Variants in GLB1L3 observed in about 807,000 individuals in gnomAD.
GLB1L3 encodes galactosidase beta 1 like 3.
In GLB1L3, 89 loss-of-function variants were observed where a neutral mutation model predicts 89.5. That is an observed-to-expected ratio of 0.99 (90% CI 0.84 to 1.19). The LOEUF (loss-of-function observed/expected upper bound fraction) is 1.19. GLB1L3 is among the 50% of genes most tolerant of loss of function. The probability of loss-of-function intolerance (pLI) is 0.00; values close to 1 mark genes in which losing one functional copy is unlikely to be tolerated. For missense variants in GLB1L3, 812 were observed against 813.3 expected (o/e 1.00, Z 0.02); for synonymous variants, 314 against 312.3 (o/e 1.01, Z -0.06).
chr11:134,288,877 C>T lies in GLB1L3; in HGVS notation c.716C>T (p.Pro239Leu), dbSNP rs756178298. The change falls in exon 7 of 20, where the codon CCG (proline) becomes CTG (leucine). Residue 239 changes from proline to leucine, a missense_variant. By Grantham distance (98) the Pro-to-Leu change is moderately conservative. Around this residue, in one of 3 missense-constraint regions of GLB1L3, gnomAD observed 618 missense variants for 604.0 expected, o/e 1.02. Transcript: ENST00000431683. ...TTCAATAAGGATAAAACATACATGC[C>T]GTATCTCCACAAGGTAAGAGGGCCT... ...GSFNKDKTYMPYLHKALLRRG... is the reference protein window; with the variant it reads ...GSFNKDKTYMLYLHKALLRRG... The T allele has an allele frequency of 6.2e-6, 10 of 1,610,970 alleles. No individual in the cohort carries two copies. The highest frequency in any genetic ancestry group is 7.6e-6 in the Non-Finnish European group (9 of 1,178,040).
intron 9 of GLB1L3, among the ~76,000 whole-genome samples, chr11:134,296,836 TATAATA>T (rs371941998): frequency 5.7e-4 from 81 of 142,400 alleles, no homozygotes; most frequent in African/African-American, 1.9e-3. Flanking sequence ...AAACTTAAAG[TATAATA>T]ATAATAATAA....
intron 6 of GLB1L3, among the ~76,000 whole-genome samples, chr11:134,286,900 C>T (rs1051598597): frequency 7.9e-5 from 12 of 151,784 alleles, no homozygotes; most frequent in Admixed American, 2.6e-4. Context: ...GTGGCTCACA[C>T]CTGTAATTCC....
chr11:134,300,461 T>A (rs1941883539), intron 9 of GLB1L3, among the ~76,000 whole-genome samples: 1 of 151,406 alleles, frequency 6.6e-6, no homozygotes, highest in South Asian at 2.1e-4. Flanking sequence ...GCCTCCCGAG[T>A]AGCTGGGACT....
Position 134,288,884 on chromosome 11 carries a change from C to T in GLB1L3, c.723C>T (p.Leu241=), listed in dbSNP as rs1361601945. ...FNKDKTYMPY[L]HKALLRRGIV... The stretch of plus-strand genomic sequence containing the variant: ...AGGATAAAACATACATGCCGTATCT[C>T]CACAAGGTAAGAGGGCCTTGGTTTG... Residue 241 remains leucine, a synonymous_variant, in exon 7 of 20, where the codon CTC becomes CTT. Coordinates refer to ENST00000431683, the MANE Select transcript of GLB1L3 (RefSeq NM_001080407.3). 1 of 1,609,416 alleles carries T rather than the reference C, an allele frequency of 6.2e-7. No homozygotes were observed. The highest frequency in any genetic ancestry group is 1.7e-5 in the Admixed American group (1 of 59,644).
chr11:134,313,947 C>A lies in GLB1L3; in HGVS notation c.1586C>A (p.Thr529Asn), dbSNP rs781484986. 82 of 1,606,996 alleles carry A rather than the reference C, an allele frequency of 5.1e-5. 1 individual carries two copies. Among genetic ancestry groups the A allele is most frequent in the Non-Finnish European group, 6.7e-5 (79 of 1,174,122 alleles). The part of the protein sequence containing the change: ...WQIQNEQKGI[T>N]GSVSINNSSL... ...CTCCCATCTGCATCTGCAGGAATAA[C>A]TGGATCTGTCAGCATCAATAACTCT... is the stretch of plus-strand genomic sequence containing the variant. The change falls in exon 17 of 20, where the codon ACT becomes AAT. Residue 529 changes from threonine (T) to asparagine (N), a missense_variant. Coordinates refer to ENST00000431683, the MANE Select transcript of GLB1L3 (RefSeq NM_001080407.3).
intron 9 of GLB1L3, among the ~76,000 whole-genome samples, chr11:134,302,500 C>T (rs1941996922): frequency 6.6e-6 from 1 of 152,062 alleles, no homozygotes; most frequent in Admixed American, 6.5e-5. Context: ...TGAAATAACA[C>T]TGATAATATT....
chr11:134,323,609 C>T (rs184757821), downstream of GLB1L3, among the ~76,000 whole-genome samples: 1 of 152,120 alleles, frequency 6.6e-6, no homozygotes, highest in East Asian at 1.9e-4. Flanking sequence ...ATTGTATGTG[C>T]ATTTCAGCTT....
intron 12 of GLB1L3, 76 bp downstream of exon 12, chr11:134,310,727 C>T (rs930144784): frequency 1.8e-5 from 21 of 1,137,254 alleles, no homozygotes; most frequent in East Asian, 7.3e-5. Flanking sequence ...GTGAGGAAGG[C>T]GTGGGTCTCC....
At position 134,288,848 on chromosome 11, in the gene GLB1L3, C is replaced by T. The variant is rs371219551; in HGVS notation, c.687C>T (p.Gly229=). The stretch of plus-strand genomic sequence containing the variant: ...CGGTGCAAGTGGAGAATGAGTATGG[C>T]TCATTCAATAAGGATAAAACATACA... ...VIAVQVENEY[G]SFNKDKTYMP... The change falls in exon 7 of 20, where the codon GGC becomes GGT. Residue 229 remains glycine (G), a synonymous_variant. Coordinates refer to ENST00000431683, the MANE Select transcript of GLB1L3 (RefSeq NM_001080407.3). 18 of 1,613,336 alleles carry T rather than the reference C, an allele frequency of 1.1e-5. No individual in the cohort carries two copies. The South Asian group carries it at 1.6e-4, about 15-fold the overall frequency.
chr11:134,278,780 C>A (rs1474091349), intron 3 of GLB1L3, among the ~76,000 whole-genome samples: 1 of 152,194 alleles, frequency 6.6e-6, no homozygotes, highest in Non-Finnish European at 1.5e-5. Flanking sequence ...TAAACTGGTT[C>A]ATTTAAAATG....
At chr11:134,288,155 G>A (rs1486489613) in intron 6 of GLB1L3, among the ~76,000 whole-genome samples, 1 of 152,210 alleles carries the variant, frequency 6.6e-6, no homozygotes, top group African/African-American at 2.4e-5. Context: ...ATGGCAGGAT[G>A]GGCTGGAAGC....
chr11:134,314,016 GCTT>G lies in GLB1L3; in HGVS notation c.1659_1661del (p.Phe554del), dbSNP rs765273016. 1.9e-6 allele frequency: 3 copies of G among 1,609,678 alleles called. No homozygotes were observed. The highest frequency in any genetic ancestry group is 1.1e-5 in the South Asian group (1 of 90,540). ...ATCTATTCCCTGGAGATGAAAATGA[GCTT>G]CTTTGAGAGGTATGCTCCAGCTGGC... On this transcript the variant is annotated inframe_deletion, in exon 17 of 20. Transcript: ENST00000431683.
At chr11:134,297,237 TC>T (rs1258894976) in intron 9 of GLB1L3, among the ~76,000 whole-genome samples, 1 of 152,210 alleles carries the variant, frequency 6.6e-6, no homozygotes, top group Non-Finnish European at 1.5e-5. Flanking sequence ...CATATCTTTA[TC>T]CTTTTGCTTT....
intron 9 of GLB1L3, among the ~76,000 whole-genome samples, chr11:134,297,850 ACT>A (rs1164989901): frequency 4.9e-5 from 5 of 102,794 alleles, no homozygotes; most frequent in African/African-American, 7.4e-5. Flanking sequence ...ACAGAGGGAG[ACT>A]CTGTCTCAAA....
At chr11:134,295,537 T>C (rs1591556086) in intron 9 of GLB1L3, among the ~76,000 whole-genome samples, 1 of 152,282 alleles carries the variant, frequency 6.6e-6, no homozygotes, top group Middle Eastern at 3.4e-3. Flanking sequence ...TTTATAATTT[T>C]TTTTGATCTT....
Position 134,319,073 on chromosome 11 carries a change from G to C in GLB1L3, c.*131G>C. 1 of 662,836 alleles carries C rather than the reference G, an allele frequency of 1.5e-6. No individual in the cohort carries two copies. Among genetic ancestry groups the C allele is most frequent in the Non-Finnish European group, 2.6e-6 (1 of 380,228 alleles). The allele number at this position is 662,836 out of a possible 1,614,324, so 41.1% of individuals were successfully genotyped here. On this transcript the variant is annotated 3_prime_UTR_variant, in exon 20 of 20. Transcript: ENST00000431683. Reference sequence around the variant, plus strand: ...GGGTTCACGCCATTCTCCTGCCTCAGCCTCCCCAGCAGCTGGGACTACAGG... The same window carrying C: ...GGGTTCACGCCATTCTCCTGCCTCACCCTCCCCAGCAGCTGGGACTACAGG...
rs540126436 is a variant in GLB1L3 at position 134,311,171 on chromosome 11, G to A, written c.1287+1G>A. 1.2e-6 allele frequency: 2 copies of A among 1,610,748 alleles called. No individual in the cohort carries two copies. Among genetic ancestry groups the A allele is most frequent in the Non-Finnish European group, 8.5e-7 (1 of 1,177,008 alleles). Reference sequence around the variant, plus strand: ...GGACGCCCTATCCTACTTAAATGAGGTGCGTGCTGCCTGGCCACAGGAGGC... The same window carrying A: ...GGACGCCCTATCCTACTTAAATGAGATGCGTGCTGCCTGGCCACAGGAGGC... On this transcript the variant is annotated splice_donor_variant, in intron 13 of 19. Transcript: ENST00000431683. LOFTEE classifies it high-confidence loss of function.
chr11:134,305,565 A>G (rs192825211), intron 9 of GLB1L3, among the ~76,000 whole-genome samples: 10 of 152,312 alleles, frequency 6.6e-5, no homozygotes, highest in African/African-American at 1.9e-4. Flanking sequence ...CCCACAGTAC[A>G]ATTTTAACAC....
At chr11:134,298,062 C>G (rs569778092) in intron 9 of GLB1L3, among the ~76,000 whole-genome samples, 2 of 151,148 alleles carry the variant, frequency 1.3e-5, no homozygotes, top group South Asian at 4.2e-4. Flanking sequence ...AGTATTAATT[C>G]TTATCTTTTT....
Sources: allele counts gnomAD v4.1 joint callset (sites outside exome capture counted in the v4.1 genomes callset), GRCh38; gene constraint gnomAD v4.1.1; regional missense constraint gnomAD v4.1.1; transcripts MANE v1.5; gene names NCBI Gene and HGNC (gene_info 2026-07-23, HGNC 2026-07-21).